Variants in SLC66A2 observed in about 807,000 individuals in gnomAD.
The protein encoded by SLC66A2 is PQ loop repeat containing 1.
Under a neutral mutation model 25.5 loss-of-function variants are expected in SLC66A2, and 23 were observed. The observed-to-expected ratio is 0.90, with a 90% CI of 0.65 to 1.28. The LOEUF (loss-of-function observed/expected upper bound fraction) is 1.28, where lower values mean the gene tolerates loss of function less well. Ranked by LOEUF, SLC66A2 falls within the 50% of genes most tolerant of loss-of-function variation. SLC66A2 has a pLI of 0.00. For missense variants in SLC66A2, 396 were observed against 373.1 expected, an observed-to-expected ratio of 1.06 and a Z score of -0.51; for synonymous variants, 193 against 166.5, an observed-to-expected ratio of 1.16 and a Z score of -1.23.
intron 4 of SLC66A2, among the ~76,000 whole-genome samples, chr18:79,929,184 C>G (rs1315645519): frequency 6.6e-6 from 1 of 152,206 alleles, no homozygotes; most frequent in Non-Finnish European, 1.5e-5. Context: ...CCAAGAGGAG[C>G]ACTCCTGGGA....
chr18:79,922,985 T>C (rs1018432474), intron 4 of SLC66A2, among the ~76,000 whole-genome samples: 1 of 151,010 alleles, frequency 6.6e-6, no homozygotes, highest in Non-Finnish European at 1.5e-5. Context: ...CCTTGGACCC[T>C]AGATCTGTGC....
chr18:79,936,780 C>T (rs1048087553), intron 3 of SLC66A2, among the ~76,000 whole-genome samples: 7 of 152,190 alleles, frequency 4.6e-5, no homozygotes, highest in East Asian at 1.9e-4. Context: ...TTCCTGGTGA[C>T]GTATCATGCA....
At chr18:79,943,251 T>G in intron 3 of SLC66A2, 78 bp downstream of exon 3, 1 of 1,549,212 alleles carries the variant, frequency 6.5e-7, no homozygotes, top group Non-Finnish European at 8.8e-7. Flanking sequence ...TCAGGACAGA[T>G]TAGAGTGGCT....
chr18:79,913,512 G>C (rs149439272), intron 5 of SLC66A2, among the ~76,000 whole-genome samples: 31 of 152,362 alleles, frequency 2.0e-4, no homozygotes, highest in Non-Finnish European at 3.4e-4. Flanking sequence ...CAACCACGTA[G>C]TATTTTCTAA....
chr18:79,928,542 A>G (rs945706177), intron 4 of SLC66A2, among the ~76,000 whole-genome samples: 29 of 152,178 alleles, frequency 1.9e-4, no homozygotes, highest in Non-Finnish European at 1.8e-4. Context: ...CACCCACTTA[A>G]AGTCCCTAAC....
intron 5 of SLC66A2, among the ~76,000 whole-genome samples, chr18:79,908,811 T>C (rs1336852206): frequency 6.6e-6 from 1 of 152,268 alleles, no homozygotes; most frequent in Non-Finnish European, 1.5e-5. Context: ...ATTTAGATTA[T>C]TGTATTTTTC....
In SLC66A2 at chr18:79,927,028, C is replaced by A. The variant is rs528000131; in HGVS notation, c.391+6941G>T. Among the ~76,000 whole-genome samples, 55 of 152,052 alleles carry A rather than the reference C, an allele frequency of 3.6e-4. No homozygotes were observed. Among genetic ancestry groups the A allele is most frequent in the Non-Finnish European group, 4.7e-4 (32 of 67,924 alleles). ...TACAAATCGACTCTCCAGGAAAAAA[C>A]AAAAAAACGAAAAAACTTCTCACTT... On this transcript the variant is annotated intron_variant, in intron 4 of 5. Coordinates refer to ENST00000397778, the MANE Select transcript of SLC66A2 (RefSeq NM_025078.5). The surrounding 1 kb of genome is among the most constrained non-coding windows in gnomAD (Gnocchi z 6.2).
intron 1 of SLC66A2, 72 bp from the exon 2 acceptor site, chr18:79,951,097 C>A (rs1296736451): frequency 1.7e-5 from 6 of 356,654 alleles, no homozygotes; most frequent in Admixed American, 5.0e-5. Flanking sequence ...CCGACCCGAC[C>A]CGCGCCAGCC....
Position 79,928,003 on chromosome 18 carries a change from A to G in SLC66A2, c.391+5966T>C, listed in dbSNP as rs376916547. 3.9e-5 allele frequency among the ~76,000 whole-genome samples: 6 copies of G among 151,938 alleles called. No homozygotes were observed. The East Asian group carries it at 5.8e-4, about 15-fold the overall frequency. On this transcript the variant is annotated intron_variant, in intron 4 of 5. Coordinates refer to ENST00000397778, the MANE Select transcript of SLC66A2 (RefSeq NM_025078.5). The stretch of plus-strand genomic sequence containing the variant: ...TTTTCCCCCCTTTACCCTAACTGAC[A>G]TCTCCGGGCCCCTCATTTGCTCAGA...
chr18:79,909,260 C>T (rs543326494), intron 5 of SLC66A2, among the ~76,000 whole-genome samples: 4 of 152,336 alleles, frequency 2.6e-5, no homozygotes, highest in Admixed American at 2.6e-4. Flanking sequence ...CACTCAGAGA[C>T]AAGACTGGGA....
rs1599652613 is a variant in SLC66A2, at chr18:79,943,453, C to A, written c.213G>T (p.Arg71Ser). The change falls in exon 3 of 6, where the codon AGG (arginine) becomes AGT (serine). Residue 71 changes from arginine (R) to serine (S), a missense_variant. Arg to Ser is a moderately radical substitution (Grantham distance 110). Transcript: ENST00000397778. ...GCCACAGCAGCGGGGACTCAAAGCG[C>A]CTTCCAAACCTGCGGGAGAGACACT... is the stretch of plus-strand genomic sequence containing the variant. ...NILRILFWFGRRFESPLLWQS... is the reference protein window; with the variant it reads ...NILRILFWFGSRFESPLLWQS... 2 of 1,613,912 alleles carry A rather than the reference C, an allele frequency of 1.2e-6. No homozygotes were observed. The highest frequency in any genetic ancestry group is 2.2e-5 in the East Asian group (1 of 44,872).
chr18:79,914,410 G>T lies in SLC66A2; in HGVS notation c.608+4774C>A, dbSNP rs538718643. Among the ~76,000 whole-genome samples the T allele has an allele frequency of 4.6e-5, 7 of 152,294 alleles. No homozygotes were observed. In the South Asian group the frequency reaches 1.4e-3, roughly 32 times the overall value. On this transcript the variant is annotated intron_variant, in intron 5 of 5. Transcript: ENST00000397778. The stretch of plus-strand genomic sequence containing the variant: ...CGACGCCCCCATCAGGCAGATCGGA[G>T]CACAAAGGAACCTGAGACGTCTCTG...
intron 4 of SLC66A2, among the ~76,000 whole-genome samples, chr18:79,933,380 A>G (rs895915883): frequency 6.6e-6 from 1 of 152,238 alleles, no homozygotes; most frequent in African/African-American, 2.4e-5. Context: ...GAAGAATAAG[A>G]TAGGTGCATC....
rs1987577294 is a variant in SLC66A2 at position 79,940,596 on chromosome 18, T to C, written c.337+2733A>G. On this transcript the variant is annotated intron_variant, in intron 3 of 5. Coordinates refer to ENST00000397778, the MANE Select transcript of SLC66A2 (RefSeq NM_025078.5). The surrounding 1 kb of genome is among the most constrained non-coding windows in gnomAD (Gnocchi z 4.1). ...CACCTTGCTTGGCATGGGGCTGTGCTGCAGGAGCTACCGATCGGGCGGCCA... is the reference window on the plus strand; with the variant it reads ...CACCTTGCTTGGCATGGGGCTGTGCCGCAGGAGCTACCGATCGGGCGGCCA... Among the ~76,000 whole-genome samples, 1 of 152,124 alleles carries C rather than the reference T, an allele frequency of 6.6e-6. No individual in the cohort carries two copies. The highest frequency in any genetic ancestry group is 1.5e-5 in the Non-Finnish European group (1 of 68,020).
chr18:79,948,207 C>T (rs903703325), intron 2 of SLC66A2, among the ~76,000 whole-genome samples: 2 of 152,230 alleles, frequency 1.3e-5, no homozygotes, highest in Non-Finnish European at 2.9e-5. Flanking sequence ...AGTGTCTCTC[C>T]AAGGCCTGTA....
chr18:79,912,497 ATCGCCAGGCCACGTG>A (rs1277803127), intron 5 of SLC66A2, among the ~76,000 whole-genome samples: 323 of 152,132 alleles, frequency 2.1e-3, no homozygotes, highest in South Asian at 4.8e-3. Flanking sequence ...AAGGTCACAT[ATCGCCAGGCCACGTG>A]TCGCCAGGCC....
At position 79,941,166 on chromosome 18, in the gene SLC66A2, C is replaced by G. The variant is rs1206859617; in HGVS notation, c.337+2163G>C. On this transcript the variant is annotated intron_variant, in intron 3 of 5. Coordinates refer to ENST00000397778, the MANE Select transcript of SLC66A2 (RefSeq NM_025078.5). The surrounding 1 kb of genome is among the most constrained non-coding windows in gnomAD (Gnocchi z 4.1). Reference sequence around the variant, plus strand: ...TCCTGAACTAAAACCAAGGCTGTGTCTCCTACCCATTCAAGTACAGGCAGA... The same window carrying G: ...TCCTGAACTAAAACCAAGGCTGTGTGTCCTACCCATTCAAGTACAGGCAGA... 1.3e-5 allele frequency among the ~76,000 whole-genome samples: 2 copies of G among 152,196 alleles called. No individual in the cohort carries two copies. The highest frequency in any genetic ancestry group is 4.8e-5 in the African/African-American group (2 of 41,448).
In SLC66A2 at chr18:79,913,129, C is replaced by A. The variant is rs559508694; in HGVS notation, c.608+6055G>T. On this transcript the variant is annotated intron_variant, in intron 5 of 5. Transcript: ENST00000397778. ...TTGAAATCCTCTCCTTGCGGGGCGG[C>A]CTGAGCCTCAGCTTCACCTGCTGCA... Among the ~76,000 whole-genome samples, 4 of 152,326 alleles carry A rather than the reference C, an allele frequency of 2.6e-5. No homozygotes were observed. In the South Asian group the frequency reaches 8.3e-4, roughly 32 times the overall value.
intron 2 of SLC66A2, among the ~76,000 whole-genome samples, chr18:79,946,545 C>G (rs1379285266): frequency 6.6e-6 from 1 of 152,242 alleles, no homozygotes; most frequent in Non-Finnish European, 1.5e-5. Context: ...ACCAAGATAC[C>G]TCGTCTAAGG....
Sources: gnomAD v4.1 joint callset for allele counts (sites outside exome capture counted in the v4.1 genomes callset) on GRCh38, gnomAD v4.1.1 for gene constraint, Gnocchi (gnomAD v3.1) non-coding constraint, MANE v1.5 for transcripts, NCBI Gene and HGNC (gene_info 2026-07-23, HGNC 2026-07-21) for gene names.